KDM2A: variants seen among roughly 807,000 people sequenced by gnomAD.
KDM2A encodes the protein lysine demethylase 2A.
KDM2A carries 3 observed loss-of-function variants against 137.3 expected under a neutral mutation model. The observed-to-expected ratio is 0.02, with a 90% CI of 0.01 to 0.06. KDM2A has a LOEUF of 0.06. Ranked by LOEUF, KDM2A falls within the 10% of genes least tolerant of loss-of-function variation. The pLI is 1.00. For synonymous variants in KDM2A, 512 were observed against 541.5 expected (o/e 0.95, Z 0.76); for missense variants, 738 against 1,510.6 (o/e 0.49, Z 8.48).
At chr11:67,247,277 A>T (rs1336205536) in intron 15 of KDM2A, among the ~76,000 whole-genome samples, 1 of 148,654 alleles carries the variant, frequency 6.7e-6, no homozygotes, top group Non-Finnish European at 1.5e-5. Flanking sequence ...TTTAGTAGAG[A>T]TGGGGTGTCA....
At chr11:67,129,865 C>T (rs548827988) in intron 2 of KDM2A, among the ~76,000 whole-genome samples, 22 of 150,718 alleles carry the variant, frequency 1.5e-4, no homozygotes, top group African/African-American at 4.4e-4. Flanking sequence ...ACGCCGAGAT[C>T]GTGCCACTGC....
At chr11:67,226,063 C>CA (rs1858533282) in intron 10 of KDM2A, among the ~76,000 whole-genome samples, 1 of 150,894 alleles carries the variant, frequency 6.6e-6, no homozygotes, top group Non-Finnish European at 1.5e-5. Flanking sequence ...AAAACTGTGT[C>CA]AAAAAAGAGT....
At chr11:67,171,523 T>C (rs1185550511) in intron 2 of KDM2A, among the ~76,000 whole-genome samples, 1 of 152,228 alleles carries the variant, frequency 6.6e-6, no homozygotes, top group African/African-American at 2.4e-5. Flanking sequence ...TGCCTATAGT[T>C]GCACAGCAAA....
At chr11:67,235,597 G>A (rs969164914) in intron 12 of KDM2A, among the ~76,000 whole-genome samples, 4 of 148,924 alleles carry the variant, frequency 2.7e-5, no homozygotes, top group Non-Finnish European at 4.4e-5. Flanking sequence ...CACCGCGCCC[G>A]GCTGCTTTTT....
intron 2 of KDM2A, among the ~76,000 whole-genome samples, chr11:67,164,021 C>T (rs1217722658): frequency 6.6e-6 from 1 of 152,142 alleles, no homozygotes; most frequent in African/African-American, 2.4e-5. Context: ...CTCTAGAAAC[C>T]TGGTCTGGAC....
intron 2 of KDM2A, among the ~76,000 whole-genome samples, chr11:67,165,282 C>A (rs646834): frequency 0.72 from 109,254 of 151,966 alleles, 45,583 homozygotes; most frequent in Non-Finnish European, 0.93. Context: ...GCCGCCACAC[C>A]TGGCTAATTT....
At chr11:67,217,917 C>A in intron 9 of KDM2A, 33 bp downstream of exon 9, 1 of 1,532,246 alleles carries the variant, frequency 6.5e-7, no homozygotes, top group Non-Finnish European at 8.8e-7. Context: ...GTTATTTAGC[C>A]ATTTTTTTCC....
In KDM2A at chr11:67,141,591, C is replaced by T. The variant is rs911007520; in HGVS notation, c.42+20233C>T. On this transcript the variant is annotated intron_variant, in intron 2 of 20. Transcript: ENST00000529006. ...CTAAGGCAGGAGAATGGCGTGAACC[C>T]GGGAGGCAGAGCTTGCAGTGAGCTG... Among the ~76,000 whole-genome samples the T allele has an allele frequency of 1.0e-4, 15 of 144,724 alleles. No homozygotes were observed. The East Asian group carries it at 1.4e-3, about 14-fold the overall frequency. 94.9% of individuals were successfully genotyped at this position (144,724 alleles called of 152,430 possible). A position where few individuals can be genotyped will look rare whatever the true frequency, so the allele number is the denominator to read the frequency against.
intron 5 of KDM2A, among the ~76,000 whole-genome samples, chr11:67,204,311 C>T (rs930287281): frequency 6.6e-6 from 1 of 152,082 alleles, no homozygotes; most frequent in Non-Finnish European, 1.5e-5. Flanking sequence ...AGAATTTCAT[C>T]ACCCCAAACA....
intron 2 of KDM2A, among the ~76,000 whole-genome samples, chr11:67,141,936 G>T (rs1306086804): frequency 6.6e-6 from 1 of 151,770 alleles, no homozygotes; most frequent in Admixed American, 6.6e-5. Flanking sequence ...CTCTTTCTGT[G>T]CCTGGTTTAT....
intron 2 of KDM2A, among the ~76,000 whole-genome samples, chr11:67,165,807 T>C (rs972453531): frequency 6.6e-6 from 1 of 152,156 alleles, no homozygotes; most frequent in East Asian, 1.9e-4. Context: ...TTCTTTCAGG[T>C]TTATAGTAAC....
At chr11:67,164,277 A>G (rs936512363) in intron 2 of KDM2A, among the ~76,000 whole-genome samples, 1 of 152,202 alleles carries the variant, frequency 6.6e-6, no homozygotes, top group African/African-American at 2.4e-5. Context: ...CATAGTAAAT[A>G]TAGGTTCATA....
intron 5 of KDM2A, among the ~76,000 whole-genome samples, chr11:67,203,796 T>G (rs932850742): frequency 6.6e-6 from 1 of 151,476 alleles, no homozygotes; most frequent in African/African-American, 2.4e-5. Context: ...CATTCTTTTT[T>G]TTTTTTTTCT....
intron 4 of KDM2A, 65 bp downstream of exon 4, chr11:67,181,463 CAG>C: frequency 9.5e-7 from 1 of 1,057,288 alleles, no homozygotes; most frequent in Non-Finnish European, 1.4e-6. Flanking sequence ...GGGCAATAAA[CAG>C]TGGTGGTATT....
At chr11:67,231,486 C>T in intron 11 of KDM2A, 80 bp from the exon 12 acceptor site, 1 of 1,292,986 alleles carries the variant, frequency 7.7e-7, no homozygotes. Flanking sequence ...CCTCAAGGCC[C>T]CTATCATGCC....
chr11:67,257,079 T>C lies in KDM2A; in HGVS notation c.*2024T>C, dbSNP rs1033242436. 2 of 152,368 alleles carry C rather than the reference T, an allele frequency of 1.3e-5. No individual in the cohort carries two copies. The highest frequency in any genetic ancestry group is 2.9e-5 in the Non-Finnish European group (2 of 68,050). 9.4% of individuals were successfully genotyped at this position (152,368 alleles called of 1,614,324 possible). ...CTTTGGTTGCTCCTGTGGAAAATAC[T>C]GAAAAGATTACTTTGTTTTATTTTG... On this transcript the variant is annotated 3_prime_UTR_variant, in exon 21 of 21. Coordinates refer to ENST00000529006, the MANE Select transcript of KDM2A (RefSeq NM_012308.3).
intron 12 of KDM2A, among the ~76,000 whole-genome samples, chr11:67,238,225 T>C (rs1858926614): frequency 6.6e-6 from 1 of 152,206 alleles, no homozygotes; most frequent in Non-Finnish European, 1.5e-5. Context: ...ATTTGTGATT[T>C]GGAAACTTAC....
Position 67,121,221 on chromosome 11 carries a change from CATT to C in KDM2A, c.-83-9_-83-7del. The C allele has an allele frequency of 2.4e-6, 2 of 849,718 alleles. No homozygotes were observed. The highest frequency in any genetic ancestry group is 2.5e-5 in the East Asian group (1 of 40,608). 52.6% of individuals were successfully genotyped at this position (849,718 alleles called of 1,614,324 possible). On this transcript the variant is annotated splice_polypyrimidine_tract_variant and intron_variant, in intron 1 of 20. Transcript: ENST00000529006. Reference sequence around the variant, plus strand: ...AATGAGTTCTCATTTCTGCTTATATCATTATTCTTTAGTGTTGCAATCTGGTTC... The same window carrying C: ...AATGAGTTCTCATTTCTGCTTATATCATTCTTTAGTGTTGCAATCTGGTTC...
intron 17 of KDM2A, 50 bp from the exon 18 acceptor site, chr11:67,252,644 G>GCTCCA (rs1351780954): frequency 6.2e-7 from 1 of 1,601,532 alleles, no homozygotes; most frequent in South Asian, 1.1e-5. Context: ...TGTGATGGGA[G>GCTCCA]CTCCACTGAT....
Sources: gnomAD v4.1 joint callset for allele counts (sites outside exome capture counted in the v4.1 genomes callset) on GRCh38, gnomAD v4.1.1 for gene constraint, MANE v1.5 for transcripts, NCBI Gene and HGNC (gene_info 2026-07-23, HGNC 2026-07-21) for gene names.